The following ARHGAP27 variants were observed in gnomAD, a reference collection of about 807,000 sequenced individuals.
ARHGAP27 encodes rho GTPase-activating protein 27.
A neutral mutation model predicts 102.0 loss-of-function variants in ARHGAP27; 53 were observed. The observed-to-expected ratio is 0.52, with a 90% CI of 0.42 to 0.65. ARHGAP27 has a LOEUF of 0.65. Ranked by LOEUF, ARHGAP27 falls within the 30% of genes least tolerant of loss-of-function variation. The pLI is 0.00. For missense variants in ARHGAP27, 1,117 were observed against 1,256.2 expected, an observed-to-expected ratio of 0.89 and a Z score of 1.68; for synonymous variants, 525 against 542.8, an observed-to-expected ratio of 0.97 and a Z score of 0.46.
At chr17:45,396,423 G>A (rs558073474) in intron 16 of ARHGAP27, 64 bp downstream of exon 16, 7 of 1,470,266 alleles carry the variant, frequency 4.8e-6, no homozygotes, top group South Asian at 2.7e-5. Context: ...TCCAGCCTGC[G>A]GTCCTGGCAG....
At position 45,395,382 on chromosome 17, in the gene ARHGAP27, G is replaced by A; in HGVS notation, c.*74C>T. ...GGCGGAGGGTCCCAGAGAGAAGAAG[G>A]CCCGGCTGCGTGGCCTCCGCCGCCC... On this transcript the variant is annotated 3_prime_UTR_variant, in exon 20 of 20. Coordinates refer to ENST00000685559, the MANE Select transcript of ARHGAP27 (RefSeq NM_001282290.2). 1 of 1,479,624 alleles carries A rather than the reference G, an allele frequency of 6.8e-7. No individual in the cohort carries two copies. The highest frequency in any genetic ancestry group is 9.1e-7 in the Non-Finnish European group (1 of 1,104,150). The allele number at this position is 1,479,624 out of a possible 1,614,324, so 91.7% of individuals were successfully genotyped here.
At chr17:45,409,602 G>A (rs1363247004) in intron 4 of ARHGAP27, 2 of 152,484 alleles carry the variant, frequency 1.3e-5, no homozygotes, top group African/African-American at 4.8e-5. Flanking sequence ...TGTGGTGGGT[G>A]TTGAACTGCA....
intron 3 of ARHGAP27, among the ~76,000 whole-genome samples, chr17:45,431,250 G>T (rs34104358): frequency 0.13 from 19,435 of 152,290 alleles, 1,587 homozygotes; most frequent in Middle Eastern, 0.21. Context: ...GGGTGTCAGG[G>T]ATGGGGGAGA....
At chr17:45,403,249 T>C (rs1567699806) in intron 11 of ARHGAP27, among the ~76,000 whole-genome samples, 1 of 152,112 alleles carries the variant, frequency 6.6e-6, no homozygotes, top group Non-Finnish European at 1.5e-5. Flanking sequence ...CCTGGTCATC[T>C]CCAAGCCAGA....
intron 4 of ARHGAP27, among the ~76,000 whole-genome samples, chr17:45,426,134 C>G (rs1303532495): frequency 6.6e-6 from 1 of 152,146 alleles, no homozygotes. Flanking sequence ...GAAACTGAAC[C>G]TGCTGGCCAG....
chr17:45,411,994 C>A (rs2047962762), intron 4 of ARHGAP27, among the ~76,000 whole-genome samples: 1 of 152,132 alleles, frequency 6.6e-6, no homozygotes, highest in Admixed American at 6.5e-5. Flanking sequence ...TCAGCATTGC[C>A]CTGCAGGTAG....
intron 13 of ARHGAP27, 111 bp from the exon 14 acceptor site, chr17:45,397,135 C>T: frequency 2.0e-6 from 3 of 1,502,190 alleles, no homozygotes; most frequent in Non-Finnish European, 2.6e-6. Flanking sequence ...TGGAGACCCT[C>T]AGCGAAGAGT....
chr17:45,417,493 A>G (rs1322916855), intron 4 of ARHGAP27, among the ~76,000 whole-genome samples: 2 of 149,092 alleles, frequency 1.3e-5, no homozygotes, highest in Non-Finnish European at 3.0e-5. Context: ...TTGTCTGGGC[A>G]TGGTGGCTCA....
At chr17:45,422,312 G>A (rs1050937923) in intron 4 of ARHGAP27, among the ~76,000 whole-genome samples, 4 of 151,500 alleles carry the variant, frequency 2.6e-5, no homozygotes, top group African/African-American at 7.3e-5. Context: ...ACGTTCTCAA[G>A]GTGCTGAGGC....
intron 13 of ARHGAP27, chr17:45,397,412 G>A: frequency 1.7e-6 from 1 of 576,210 alleles, no homozygotes; most frequent in Non-Finnish European, 2.4e-6. Flanking sequence ...GCCAACAACT[G>A]CACCAATATC....
chr17:45,397,689 T>C (rs752751112), intron 13 of ARHGAP27: 9 of 393,612 alleles, frequency 2.3e-5, no homozygotes, highest in Non-Finnish European at 3.6e-5. Flanking sequence ...GCCTTCTGCC[T>C]CCCGTGAAAT....
intron 9 of ARHGAP27, 51 bp from the exon 10 acceptor site, chr17:45,404,147 G>A (rs192842480): frequency 1.2e-6 from 2 of 1,610,470 alleles, no homozygotes; most frequent in East Asian, 2.2e-5. Context: ...TAAGGGGTGA[G>A]CTATGGGGAG....
At chr17:45,414,688 A>T (rs1205126184) in intron 4 of ARHGAP27, among the ~76,000 whole-genome samples, 1 of 148,038 alleles carries the variant, frequency 6.8e-6, no homozygotes, top group African/African-American at 2.5e-5. Flanking sequence ...AGCTCAAGAA[A>T]TCCTCCCACC....
chr17:45,395,950 AC>A, intron 18 of ARHGAP27, 32 bp downstream of exon 18: 1 of 1,592,328 alleles, frequency 6.3e-7, no homozygotes, highest in Non-Finnish European at 8.6e-7. Flanking sequence ...CCACGCCCCT[AC>A]CCCATCCGCC....
At chr17:45,413,820 G>C (rs1347182045) in intron 4 of ARHGAP27, among the ~76,000 whole-genome samples, 1 of 152,154 alleles carries the variant, frequency 6.6e-6, no homozygotes, top group Admixed American at 6.5e-5. Flanking sequence ...AATGGTCCAT[G>C]AGGGGCTGGG....
At chr17:45,401,852 T>C (rs1209589073) in intron 12 of ARHGAP27, among the ~76,000 whole-genome samples, 1 of 152,200 alleles carries the variant, frequency 6.6e-6, no homozygotes, top group Non-Finnish European at 1.5e-5. Context: ...TTAGCACCCA[T>C]ACATCATCTG....
At chr17:45,426,606 C>T (rs1271904836) in intron 4 of ARHGAP27, among the ~76,000 whole-genome samples, 3 of 151,686 alleles carry the variant, frequency 2.0e-5, no homozygotes, top group Non-Finnish European at 4.4e-5. Context: ...CCACATCCTG[C>T]CCCCTCTGTT....
chr17:45,414,612 AT>A (rs34746481), intron 4 of ARHGAP27, among the ~76,000 whole-genome samples: 37,985 of 130,222 alleles, frequency 0.29, 5,627 homozygotes, highest in East Asian at 0.54. Flanking sequence ...CGCCCGGCTA[AT>A]TTTTTTTTTT....
intron 4 of ARHGAP27, among the ~76,000 whole-genome samples, chr17:45,419,127 G>A (rs924832633): frequency 6.6e-6 from 1 of 152,082 alleles, no homozygotes; most frequent in Non-Finnish European, 1.5e-5. Flanking sequence ...AGCACAGCCG[G>A]GACCCAGGAC....
Sources: gnomAD v4.1 joint callset for allele counts (sites outside exome capture counted in the v4.1 genomes callset) on GRCh38, gnomAD v4.1.1 for gene constraint, MANE v1.5 for transcripts, NCBI Gene and HGNC (gene_info 2026-07-23, HGNC 2026-07-21) for gene names.